Variants in TTC23 observed in about 807,000 individuals in gnomAD.
The protein encoded by TTC23 is tetratricopeptide repeat protein 23.
In TTC23, 58 loss-of-function variants were observed where a neutral mutation model predicts 55.1. The ratio of observed to expected loss-of-function variants is 1.05; its 90% CI spans 0.85 to 1.31. The LOEUF (loss-of-function observed/expected upper bound fraction) is 1.31. Ranked by LOEUF, TTC23 falls within the 50% of genes most tolerant of loss-of-function variation. The pLI, the probability that TTC23 is intolerant of heterozygous loss-of-function variation, is 0.00. For synonymous variants in TTC23, 203 were observed against 199.9 expected (o/e 1.02, Z -0.13); for missense variants, 516 against 534.4 (o/e 0.97, Z 0.34).
chr15:99,228,688 T>C lies in TTC23; in HGVS notation c.25A>G (p.Ile9Val). 6.2e-7 allele frequency: 1 copy of C among 1,608,958 alleles called. No homozygotes were observed. Among genetic ancestry groups the C allele is most frequent in the East Asian group, 2.2e-5 (1 of 44,858 alleles). The change falls in exon 5 of 14, where the codon ATA (isoleucine) becomes GTA (valine). Residue 9 changes from isoleucine (I) to valine (V), a missense_variant. Ile to Val is a conservative substitution (Grantham distance 29). Transcript: ENST00000394132. Reference protein sequence around the residue: MQESQETHISNHLDEVVAA... With the variant: MQESQETHVSNHLDEVVAA... ...ACAACTTCATCTAGGTGGTTGGATATGTGGGTTTCCTGTGATTCTTGCATA... is the reference window on the plus strand; with the variant it reads ...ACAACTTCATCTAGGTGGTTGGATACGTGGGTTTCCTGTGATTCTTGCATA...
At chr15:99,235,689 T>C (rs1221729307) in intron 3 of TTC23, among the ~76,000 whole-genome samples, 4 of 152,194 alleles carry the variant, frequency 2.6e-5, no homozygotes, top group Admixed American at 2.0e-4. Context: ...CATTTTTAAG[T>C]GTGCAGTTCA....
intron 9 of TTC23, among the ~76,000 whole-genome samples, chr15:99,176,184 CT>C (rs2073528263): frequency 6.6e-6 from 1 of 152,146 alleles, no homozygotes; most frequent in Non-Finnish European, 1.5e-5. Flanking sequence ...GGATTGCCTA[CT>C]ATAGGAGAGG....
intron 12 of TTC23, chr15:99,139,867 T>C: frequency 5.2e-6 from 4 of 765,218 alleles, no homozygotes; most frequent in East Asian, 1.3e-4. Context: ...GAACCAAATA[T>C]TCAGCTTATG....
At position 99,156,142 on chromosome 15, in the gene TTC23, C is replaced by T. The variant is rs2070522566; in HGVS notation, c.1143+6G>A. ...AGTCTCGTGTTAGTACTGGTTCCAGCTTTACCTTCTTCAGTTTCTTGCGGG... is the reference window on the plus strand; with the variant it reads ...AGTCTCGTGTTAGTACTGGTTCCAGTTTTACCTTCTTCAGTTTCTTGCGGG... On this transcript the variant is annotated splice_donor_region_variant and intron_variant, in intron 12 of 13. Coordinates refer to ENST00000394132, the MANE Select transcript of TTC23 (RefSeq NM_001288615.3). The T allele has an allele frequency of 1.9e-6, 3 of 1,614,196 alleles. No homozygotes were observed. Among genetic ancestry groups the T allele is most frequent in the Non-Finnish European group, 8.5e-7 (1 of 1,180,042 alleles).
chr15:99,175,229 G>T, intron 9 of TTC23, 74 bp from the exon 10 acceptor site: 1 of 1,222,980 alleles, frequency 8.2e-7, no homozygotes, highest in South Asian at 1.3e-5. Flanking sequence ...TGTCCTTGCA[G>T]AGATAAGCAG....
At chr15:99,191,995 G>A (rs2075288579) in intron 9 of TTC23, among the ~76,000 whole-genome samples, 1 of 152,190 alleles carries the variant, frequency 6.6e-6, no homozygotes, top group African/African-American at 2.4e-5. Flanking sequence ...TTCTTGTTAC[G>A]TTTTAGCAAA....
intron 8 of TTC23, among the ~76,000 whole-genome samples, chr15:99,209,815 A>G (rs966948623): frequency 6.6e-6 from 1 of 151,976 alleles, no homozygotes; most frequent in African/African-American, 2.4e-5. Flanking sequence ...GCTCACTGCA[A>G]CCTCTGCCTC....
intron 11 of TTC23, 99 bp from the exon 12 acceptor site, chr15:99,156,396 C>G (rs538018775): frequency 5.7e-6 from 8 of 1,392,272 alleles, no homozygotes; most frequent in Non-Finnish European, 4.9e-6. Context: ...GGTAGTCTCA[C>G]GAGCTGAGCC....
At chr15:99,223,802 C>T (rs533278507) in intron 5 of TTC23, among the ~76,000 whole-genome samples, 12 of 152,326 alleles carry the variant, frequency 7.9e-5, no homozygotes, top group Non-Finnish European at 1.3e-4. Context: ...GCAAAAACCG[C>T]AGGCTCATGA....
intron 11 of TTC23, 39 bp from the exon 12 acceptor site, chr15:99,156,336 AAAG>A (rs764261531): frequency 2.4e-5 from 38 of 1,608,492 alleles, no homozygotes; most frequent in Non-Finnish European, 3.0e-5. Flanking sequence ...TAACAAGCTC[AAAG>A]GCTGATTAGG....
At chr15:99,212,559 A>G (rs1363412844) in intron 8 of TTC23, among the ~76,000 whole-genome samples, 1 of 152,170 alleles carries the variant, frequency 6.6e-6, no homozygotes, top group Admixed American at 6.5e-5. Flanking sequence ...GTTTCAGGCC[A>G]TAGTCAGGGA....
chr15:99,163,126 A>G (rs1174269329), intron 10 of TTC23, among the ~76,000 whole-genome samples: 3 of 152,124 alleles, frequency 2.0e-5, no homozygotes, highest in African/African-American at 7.2e-5. Context: ...AACAACAACA[A>G]AAAACAAAAC....
At chr15:99,179,709 G>A (rs986400790) in intron 9 of TTC23, among the ~76,000 whole-genome samples, 2 of 152,206 alleles carry the variant, frequency 1.3e-5, no homozygotes, top group African/African-American at 4.8e-5. Context: ...TACACAGCAG[G>A]AAAGAGCAGA....
intron 8 of TTC23, among the ~76,000 whole-genome samples, chr15:99,212,255 G>C (rs574833789): frequency 7.4e-6 from 1 of 134,814 alleles, no homozygotes; most frequent in East Asian, 2.3e-4. Flanking sequence ...ATAATTTAAA[G>C]AGGGATGTGT....
intron 9 of TTC23, among the ~76,000 whole-genome samples, chr15:99,195,990 C>G (rs1056015077): frequency 6.6e-6 from 1 of 151,628 alleles, no homozygotes; most frequent in African/African-American, 2.4e-5. Context: ...CCTGTCTCTA[C>G]TAAAAATACA....
chr15:99,227,250 A>T (rs2078527049), intron 5 of TTC23, among the ~76,000 whole-genome samples: 1 of 152,156 alleles, frequency 6.6e-6, no homozygotes, highest in African/African-American at 2.4e-5. Context: ...TCACCCAAGC[A>T]GACTCAGACC....
chr15:99,170,148 A>G (rs1166702828), intron 10 of TTC23, among the ~76,000 whole-genome samples: 1 of 152,178 alleles, frequency 6.6e-6, no homozygotes, highest in Non-Finnish European at 1.5e-5. Flanking sequence ...GGTTAGTGAC[A>G]TTCCAGGAGC....
intron 9 of TTC23, among the ~76,000 whole-genome samples, chr15:99,182,689 T>C (rs2074268187): frequency 6.6e-6 from 1 of 152,176 alleles, no homozygotes; most frequent in Non-Finnish European, 1.5e-5. Context: ...AGAAAAATTG[T>C]TCAGCAAGTG....
Position 99,229,472 on chromosome 15 carries a change from C to A in TTC23, c.-20-740G>T, listed in dbSNP as rs73469364. Among the ~76,000 whole-genome samples the A allele has an allele frequency of 5.2e-4, 79 of 152,192 alleles. 1 individual carries two copies. The highest frequency in any genetic ancestry group is 1.9e-3 in the African/African-American group (78 of 41,532). Reference sequence around the variant, plus strand: ...TTGCTTTGAGAGAGTTTCCAGGAAACAGCACAGGGAAGAGGGGACCCAGAA... The same window carrying A: ...TTGCTTTGAGAGAGTTTCCAGGAAAAAGCACAGGGAAGAGGGGACCCAGAA... On this transcript the variant is annotated intron_variant, in intron 4 of 13. Coordinates refer to ENST00000394132, the MANE Select transcript of TTC23 (RefSeq NM_001288615.3).
Sources: allele counts gnomAD v4.1 joint callset (sites outside exome capture counted in the v4.1 genomes callset), GRCh38; gene constraint gnomAD v4.1.1; transcripts MANE v1.5; gene names NCBI Gene and HGNC (gene_info 2026-07-23, HGNC 2026-07-21).